GAD2: variants seen among roughly 807,000 people sequenced by gnomAD.
GAD2 encodes the protein glutamate decarboxylase 2, also known as 65 kDa glutamic acid decarboxylase.
GAD2 carries 22 observed loss-of-function variants against 80.1 expected under a neutral mutation model. The observed-to-expected ratio is 0.27, with a 90% CI of 0.20 to 0.39. The LOEUF (loss-of-function observed/expected upper bound fraction) is 0.39, where lower values mean the gene tolerates loss of function less well. Among genes scored for constraint, GAD2 ranks in the 10% least tolerant of loss-of-function variants. The pLI is 1.00. For missense variants in GAD2, 624 were observed against 738.4 expected (o/e 0.85, Z 1.80); for synonymous variants, 274 against 256.9 (o/e 1.07, Z -0.64).
intron 13 of GAD2, among the ~76,000 whole-genome samples, chr10:26,290,246 A>C (rs1347585133): frequency 6.6e-6 from 1 of 152,222 alleles, no homozygotes; most frequent in African/African-American, 2.4e-5. Context: ...CTCATTTTCC[A>C]GACAAGATAA....
rs146390767 is a variant in GAD2 at position 26,221,683 on chromosome 10, C to T, written c.521-2204C>T. Among the ~76,000 whole-genome samples, 68 of 152,322 alleles carry T rather than the reference C, an allele frequency of 4.5e-4. No homozygotes were observed. In the Middle Eastern group the frequency reaches 0.01, roughly 23 times the overall value. ...TCAGAGTTGCCTGAGGCTGGTTGTT[C>T]GCAGAGTCTGCGCATCCTTCCGGGC... is the stretch of plus-strand genomic sequence containing the variant. On this transcript the variant is annotated intron_variant, in intron 4 of 15. Coordinates refer to ENST00000376261, the MANE Select transcript of GAD2 (RefSeq NM_001134366.2).
chr10:26,239,135 G>A lies in GAD2; in HGVS notation c.841-6786G>A, dbSNP rs116944932. 1.2e-3 allele frequency among the ~76,000 whole-genome samples: 181 copies of A among 152,304 alleles called. 3 individuals are homozygous for A. The East Asian group carries it at 0.03, about 25-fold the overall frequency. On this transcript the variant is annotated intron_variant, in intron 7 of 15. Coordinates refer to ENST00000376261, the MANE Select transcript of GAD2 (RefSeq NM_001134366.2). ...CTAATTCCACCCACAAAGGGTGTTG[G>A]AACAAAAGAATCAAGCCTGAGGACA...
intron 6 of GAD2, 54 bp from the exon 7 acceptor site, chr10:26,229,608 T>A (rs1589138134): frequency 8.0e-7 from 1 of 1,253,492 alleles, no homozygotes; most frequent in East Asian, 2.3e-5. Flanking sequence ...GTTGCTTGCA[T>A]GTGAAATGAG....
In GAD2 at chr10:26,224,521, G is replaced by A. The variant is rs1431855356; in HGVS notation, c.612-18G>A. On this transcript the variant is annotated intron_variant, in intron 5 of 15. Coordinates refer to ENST00000376261, the MANE Select transcript of GAD2 (RefSeq NM_001134366.2). ...ATCTGAGTTACAGAGGTAAAATGTG[G>A]CCATTACTACATTTCAGGTTCACCT... 3 of 1,423,670 alleles carry A rather than the reference G, an allele frequency of 2.1e-6. No homozygotes were observed. The highest frequency in any genetic ancestry group is 1.4e-5 in the African/African-American group (1 of 71,052). 88.2% of individuals were successfully genotyped at this position (1,423,670 alleles called of 1,614,324 possible). A position where few individuals can be genotyped will look rare whatever the true frequency, so the allele number is the denominator to read the frequency against.
At chr10:26,251,759 G>C (rs1003368109) in intron 8 of GAD2, among the ~76,000 whole-genome samples, 8 of 152,212 alleles carry the variant, frequency 5.3e-5, no homozygotes, top group African/African-American at 1.9e-4. Context: ...AGCATTGTAT[G>C]AGAGTATGTT....
chr10:26,237,669 G>A (rs1844691757), intron 7 of GAD2, among the ~76,000 whole-genome samples: 1 of 152,106 alleles, frequency 6.6e-6, no homozygotes, highest in African/African-American at 2.4e-5. Context: ...ATTGCTACTT[G>A]TATAATTTTG....
chr10:26,262,339 ATTAT>A (rs1261101604), intron 8 of GAD2, among the ~76,000 whole-genome samples: 1 of 151,020 alleles, frequency 6.6e-6, no homozygotes, highest in Non-Finnish European at 1.5e-5. Flanking sequence ...CCAGGGAAAA[ATTAT>A]TTATTTTCTC....
At chr10:26,279,981 C>T (rs992357922) in intron 11 of GAD2, among the ~76,000 whole-genome samples, 2 of 152,244 alleles carry the variant, frequency 1.3e-5, no homozygotes, top group Admixed American at 6.5e-5. Context: ...TGAGCCCTCT[C>T]TTTGAGCTCC....
rs147941602 is a variant in GAD2, at chr10:26,262,501, T to A, written c.921-6618T>A. 2.6e-3 allele frequency among the ~76,000 whole-genome samples: 401 copies of A among 152,192 alleles called. 2 individuals carry two copies. Among genetic ancestry groups the A allele is most frequent in the African/African-American group, 9.1e-3 (380 of 41,564 alleles). On this transcript the variant is annotated intron_variant, in intron 8 of 15. Coordinates refer to ENST00000376261, the MANE Select transcript of GAD2 (RefSeq NM_001134366.2). ...CAGATATTTGTGTATCTGTTGATAT[T>A]TTCAATGTCCCATCTTTTGAATTTA...
intron 15 of GAD2, among the ~76,000 whole-genome samples, chr10:26,298,082 A>T (rs1388738400): frequency 2.6e-5 from 4 of 152,192 alleles, no homozygotes; most frequent in African/African-American, 9.7e-5. Flanking sequence ...CCAGGAAAGA[A>T]TGTGTGTAAG....
At chr10:26,254,629 C>T (rs571179963) in intron 8 of GAD2, among the ~76,000 whole-genome samples, 16 of 152,300 alleles carry the variant, frequency 1.1e-4, no homozygotes, top group Admixed American at 6.5e-4. Flanking sequence ...CCATGTTAAG[C>T]CGTTTGGACT....
intron 7 of GAD2, among the ~76,000 whole-genome samples, chr10:26,241,066 T>A (rs7914135): frequency 0.07 from 10,595 of 150,778 alleles, 1,213 homozygotes; most frequent in African/African-American, 0.24. Context: ...AAAGAGAGAG[T>A]GAGAGAAATT....
intron 6 of GAD2, among the ~76,000 whole-genome samples, chr10:26,228,827 T>C (rs1371368864): frequency 1.3e-5 from 2 of 151,976 alleles, no homozygotes. Context: ...ACCTTCCATA[T>C]GTGGAAAAAT....
At chr10:26,216,734 C>T, upstream of GAD2, 4 of 1,323,372 alleles carry the variant, frequency 3.0e-6, no homozygotes, top group East Asian at 2.7e-5. This position sits in a 1 kb window ranked among gnomAD's most constrained non-coding sequence, Gnocchi z 4.7. Flanking sequence ...GGCACGCACG[C>T]GCGCGCAGGG....
intron 6 of GAD2, among the ~76,000 whole-genome samples, chr10:26,224,930 C>T (rs144324325): frequency 3.9e-5 from 6 of 152,242 alleles, no homozygotes; most frequent in East Asian, 1.9e-4. Context: ...ACAGGATGTA[C>T]GGATAATGTG....
Position 26,300,836 on chromosome 10 carries a change from G to T in GAD2, c.1633G>T (p.Val545Phe). ...AATGATGGAGTATGGAACCACAATG[G>T]TCAGCTACCAACCCTTGGGAGACAA... ...ARMMEYGTTM[V>F]SYQPLGDKVN... The change falls in exon 16 of 16, where the codon GTC becomes TTC. Residue 545 changes from valine to phenylalanine, a missense_variant. Coordinates refer to ENST00000376261, the MANE Select transcript of GAD2 (RefSeq NM_001134366.2). 3 of 1,613,790 alleles carry T rather than the reference G, an allele frequency of 1.9e-6. No individual in the cohort carries two copies. Among genetic ancestry groups the T allele is most frequent in the Non-Finnish European group, 2.5e-6 (3 of 1,179,794 alleles).
intron 15 of GAD2, among the ~76,000 whole-genome samples, chr10:26,296,345 A>C (rs770300693): frequency 1.1e-4 from 17 of 152,366 alleles, no homozygotes; most frequent in Non-Finnish European, 1.9e-4. Flanking sequence ...GAAGGGAAAC[A>C]ACATTTAGGA....
chr10:26,298,829 CA>C (rs1564674702), intron 15 of GAD2, among the ~76,000 whole-genome samples: 2 of 152,188 alleles, frequency 1.3e-5, no homozygotes, highest in African/African-American at 2.4e-5. Flanking sequence ...CCTCACAACA[CA>C]AAGGATAAAT....
intron 15 of GAD2, among the ~76,000 whole-genome samples, chr10:26,300,050 TA>T (rs8190793): frequency 5.1e-4 from 77 of 152,320 alleles, no homozygotes; most frequent in African/African-American, 1.8e-3. Context: ...TGAGGCCTCA[TA>T]AATGGATGAT....
Sources: allele counts gnomAD v4.1 joint callset (sites outside exome capture counted in the v4.1 genomes callset), GRCh38; gene constraint gnomAD v4.1.1; non-coding constraint Gnocchi (gnomAD v3.1); transcripts MANE v1.5; gene names NCBI Gene and HGNC (gene_info 2026-07-23, HGNC 2026-07-21).